The following ZNF471 variants were observed in gnomAD, a reference collection of about 807,000 sequenced individuals.
ZNF471 encodes the protein zinc finger protein 471.
ZNF471 carries 7 observed loss-of-function variants against 13.7 expected under a neutral mutation model. That is an observed-to-expected ratio of 0.51 (90% CI 0.29 to 0.96). The LOEUF (loss-of-function observed/expected upper bound fraction) is 0.96, where lower values mean the gene tolerates loss of function less well. Ranked by LOEUF, ZNF471 falls within the 40% of genes least tolerant of loss-of-function variation. The probability of loss-of-function intolerance (pLI) is 0.08; values close to 1 mark genes in which losing one functional copy is unlikely to be tolerated. For missense variants in ZNF471, 663 were observed against 743.3 expected (o/e 0.89, Z 1.26); for synonymous variants, 218 against 235.6 (o/e 0.93, Z 0.68).
intron 1 of ZNF471, among the ~76,000 whole-genome samples, chr19:56,509,090 G>A (rs1600502075): frequency 6.6e-6 from 1 of 152,140 alleles, no homozygotes; most frequent in Admixed American, 6.5e-5. Context: ...AATGATTGGT[G>A]GGCTGGCAGC....
Position 56,526,089 on chromosome 19 carries a change from G to C in ZNF471, c.*141G>C, listed in dbSNP as rs1007630706. The C allele has an allele frequency of 8.6e-6, 7 of 810,344 alleles. No homozygotes were observed. Among genetic ancestry groups the C allele is most frequent in the Admixed American group, 6.2e-5 (2 of 32,264 alleles). The allele number at this position is 810,344 out of a possible 1,614,324, so 50.2% of individuals were successfully genotyped here. A position where few individuals can be genotyped will look rare whatever the true frequency, so the allele number is the denominator to read the frequency against. On this transcript the variant is annotated 3_prime_UTR_variant, in exon 5 of 5. Transcript: ENST00000308031. ...AGGAGGCTGGCAAGATGGCCGAATA[G>C]GAACAGCTCTGATCTGCAGTTCCCA...
chr19:56,524,856 ATG>A lies in ZNF471; in HGVS notation c.791_792del (p.Cys264Ter). On this transcript the variant is annotated frameshift_variant, in exon 5 of 5. Coordinates refer to ENST00000308031, the MANE Select transcript of ZNF471 (RefSeq NM_020813.4). LOFTEE classifies it low-confidence loss of function (END_TRUNC). This position sits in a 1 kb window ranked among gnomAD's most constrained non-coding sequence, Gnocchi z 4.8. Reference protein sequence around the residue: ...RTHTGEKLFECKECRKAFKQS... With the variant: ...RTHTGEKLFEXKECRKAFKQS... Reference sequence around the variant, plus strand: ...CACATACTGGAGAGAAACTCTTTGAATGTAAAGAATGTAGGAAAGCCTTCAAA... The same window carrying A: ...CACATACTGGAGAGAAACTCTTTGAATAAAGAATGTAGGAAAGCCTTCAAA... 1.2e-6 allele frequency: 2 copies of A among 1,610,408 alleles called. No homozygotes were observed. Among genetic ancestry groups the A allele is most frequent in the Non-Finnish European group, 1.7e-6 (2 of 1,178,458 alleles).
At position 56,524,992 on chromosome 19, in the gene ZNF471, C is replaced by T; in HGVS notation, c.925C>T (p.Gln309Ter). Residue 309 changes from glutamine to a stop codon, truncating the protein, a stop_gained, in exon 5 of 5, where the codon CAG becomes TAG. Coordinates refer to ENST00000308031, the MANE Select transcript of ZNF471 (RefSeq NM_020813.4). LOFTEE classifies it low-confidence loss of function (END_TRUNC). The surrounding 1 kb of genome is among the most constrained non-coding windows in gnomAD (Gnocchi z 4.8). ...ACAGCCTGCACACCTTGCTCAGCATCAGAGAATTCATACTGGAGAGAAACC... is the reference window on the plus strand; with the variant it reads ...ACAGCCTGCACACCTTGCTCAGCATTAGAGAATTCATACTGGAGAGAAACC... ...FRQPAHLAQHQRIHTGEKPYE... is the reference protein window; with the variant it reads ...FRQPAHLAQH The T allele has an allele frequency of 6.2e-7, 1 of 1,614,122 alleles. No individual in the cohort carries two copies. The highest frequency in any genetic ancestry group is 8.5e-7 in the Non-Finnish European group (1 of 1,180,022).
chr19:56,519,337 C>T (rs1052244012), intron 4 of ZNF471, among the ~76,000 whole-genome samples: 1 of 152,136 alleles, frequency 6.6e-6, no homozygotes, highest in African/African-American at 2.4e-5. Flanking sequence ...TATGCACTTC[C>T]TGTTTCCTCT....
rs1166619687 is a variant in ZNF471, at chr19:56,528,958, A to G, written c.*3010A>G. On this transcript the variant is annotated 3_prime_UTR_variant, in exon 5 of 5. Coordinates refer to ENST00000308031, the MANE Select transcript of ZNF471 (RefSeq NM_020813.4). ...ACACTTAAAATGTTCCACTTCTTTC[A>G]TGAGGCTAAGTCAACTCTGATATCA... 1.3e-5 allele frequency: 2 copies of G among 151,842 alleles called. No individual in the cohort carries two copies. The highest frequency in any genetic ancestry group is 2.4e-5 in the African/African-American group (1 of 41,390). The allele number at this position is 151,842 out of a possible 1,614,324, so 9.4% of individuals were successfully genotyped here.
chr19:56,525,810 T>C lies in ZNF471; in HGVS notation c.1743T>C (p.Ser581=). Residue 581 remains serine, a synonymous_variant, in exon 5 of 5, where the codon AGT becomes AGC. Transcript: ENST00000308031. ...GTACTGAATGTGGAAAGGCTTTTAG[T>C]GATAGCTCATCCTGTGCTCAGCATC... ...YKCTECGKAF[S]DSSSCAQHQR... 6.2e-7 allele frequency: 1 copy of C among 1,614,188 alleles called. No homozygotes were observed. Among genetic ancestry groups the C allele is most frequent in the South Asian group, 1.1e-5 (1 of 91,082 alleles).
intron 4 of ZNF471, among the ~76,000 whole-genome samples, chr19:56,519,465 A>G (rs1414731194): frequency 6.6e-6 from 1 of 151,988 alleles, no homozygotes; most frequent in Non-Finnish European, 1.5e-5. Flanking sequence ...CCCCATCCCA[A>G]CCCAATAACT....
rs111959178 is a variant in ZNF471 at position 56,509,316 on chromosome 19, T to C, written c.-56+1396T>C. Among the ~76,000 whole-genome samples the C allele has an allele frequency of 2.4e-3, 372 of 152,352 alleles. 1 individual carries two copies. The highest frequency in any genetic ancestry group is 8.5e-3 in the African/African-American group (352 of 41,582). The stretch of plus-strand genomic sequence containing the variant: ...TGGGTTCATCAAACTTCCAGATAGC[T>C]GAACACTGGAGGTTCCTGTAGGATG... On this transcript the variant is annotated intron_variant, in intron 1 of 4. Transcript: ENST00000308031.
At chr19:56,521,934 G>A (rs11671776) in intron 4 of ZNF471, among the ~76,000 whole-genome samples, 35,623 of 151,974 alleles carry the variant, frequency 0.23, 4,390 homozygotes, top group Middle Eastern at 0.26. Context: ...TGACAGAGGG[G>A]ACCCTGTCTC....
At chr19:56,517,716 C>T (rs990878130) in intron 3 of ZNF471, among the ~76,000 whole-genome samples, 28 of 152,232 alleles carry the variant, frequency 1.8e-4, no homozygotes, top group Non-Finnish European at 4.4e-5. Context: ...GCTGGGATTA[C>T]AGGCGTAAGC....
rs2147913974 is a variant in ZNF471 at position 56,516,913 on chromosome 19, T to C, written c.160+512T>C. ...TTAGCTTTCTGTTCTCCAGAAGCCC[T>C]TTTGATTATGCTTGTGGTTCATTGA... On this transcript the variant is annotated intron_variant, in intron 3 of 4. Coordinates refer to ENST00000308031, the MANE Select transcript of ZNF471 (RefSeq NM_020813.4). The surrounding 1 kb of genome is among the most constrained non-coding windows in gnomAD (Gnocchi z 4.4). Among the ~76,000 whole-genome samples the C allele has an allele frequency of 6.6e-6, 1 of 152,348 alleles. No homozygotes were observed. Among genetic ancestry groups the C allele is most frequent in the East Asian group, 1.9e-4 (1 of 5,186 alleles).
Position 56,510,993 on chromosome 19 carries a change from GC to G in ZNF471, c.-55-522del. On this transcript the variant is annotated intron_variant, in intron 1 of 4. Transcript: ENST00000308031. The surrounding 1 kb of genome is among the most constrained non-coding windows in gnomAD (Gnocchi z 4.3). ...TTCAGGGTGAGGAAAGTGAAACAGT[GC>G]CGGGGGGTGGGTCAGGGATGCAGTG... The G allele has an allele frequency of 2.0e-6, 2 of 983,144 alleles. No homozygotes were observed. The highest frequency in any genetic ancestry group is 2.4e-6 in the Non-Finnish European group (2 of 830,040). 60.9% of individuals were successfully genotyped at this position (983,144 alleles called of 1,614,324 possible). A position where few individuals can be genotyped will look rare whatever the true frequency, so the allele number is the denominator to read the frequency against.
rs922222564 is a variant in ZNF471 at position 56,528,499 on chromosome 19, C to A, written c.*2551C>A. The A allele has an allele frequency of 6.6e-6, 1 of 152,274 alleles. No individual in the cohort carries two copies. Among genetic ancestry groups the A allele is most frequent in the Admixed American group, 6.5e-5 (1 of 15,290 alleles). 9.4% of individuals were successfully genotyped at this position (152,274 alleles called of 1,614,324 possible). On this transcript the variant is annotated 3_prime_UTR_variant, in exon 5 of 5. Transcript: ENST00000308031. ...CTCCTGTGCTCAAGTGACCCTCCCA[C>A]CTCATTCTCAAGTGGCTGCAATTAC... is the stretch of plus-strand genomic sequence containing the variant.
In ZNF471 at chr19:56,530,189, A is replaced by G. The variant is rs1289232591; in HGVS notation, c.*4241A>G. ...ACATGATGACATCGTTATTAACTAC[A>G]TAAACTTTATAAAGCTTAAAAAATG... On this transcript the variant is annotated 3_prime_UTR_variant, in exon 5 of 5. Coordinates refer to ENST00000308031, the MANE Select transcript of ZNF471 (RefSeq NM_020813.4). 1.3e-5 allele frequency: 2 copies of G among 152,158 alleles called. No homozygotes were observed. Among genetic ancestry groups the G allele is most frequent in the Non-Finnish European group, 2.9e-5 (2 of 68,042 alleles). 9.4% of individuals were successfully genotyped at this position (152,158 alleles called of 1,614,324 possible).
rs375538017 is a variant in ZNF471 at position 56,525,364 on chromosome 19, T to C, written c.1297T>C (p.Cys433Arg). The change falls in exon 5 of 5, where the codon TGT becomes CGT. Residue 433 changes from cysteine to arginine, a missense_variant. Transcript: ENST00000308031. ...TCATACAGGAGAGAAACCTTATGAA[T>C]GTGATATATGTGGGAAAGATTTTAG... Reference protein sequence around the residue: ...RIHTGEKPYECDICGKDFSHH... With the variant: ...RIHTGEKPYERDICGKDFSHH... The C allele has an allele frequency of 4.6e-5, 74 of 1,614,030 alleles. No homozygotes were observed. The highest frequency in any genetic ancestry group is 2.7e-4 in the East Asian group (12 of 44,886).
Position 56,510,237 on chromosome 19 carries a change from T to TG in ZNF471, c.-55-1278dup, listed in dbSNP as rs2043792471. The TG allele has an allele frequency of 1.0e-6, 1 of 985,522 alleles. No homozygotes were observed. Among genetic ancestry groups the TG allele is most frequent in the East Asian group, 1.1e-4 (1 of 8,814 alleles). The allele number at this position is 985,522 out of a possible 1,614,324, so 61.0% of individuals were successfully genotyped here. A position where few individuals can be genotyped will look rare whatever the true frequency, so the allele number is the denominator to read the frequency against. On this transcript the variant is annotated intron_variant, in intron 1 of 4. Coordinates refer to ENST00000308031, the MANE Select transcript of ZNF471 (RefSeq NM_020813.4). This position sits in a 1 kb window ranked among gnomAD's most constrained non-coding sequence, Gnocchi z 4.3. ...GTGTTTGTGTATCTGTGTGAGACAC[T>TG]GGAGCATTTGAGTAACTGAGGCCTC...
At position 56,524,767 on chromosome 19, in the gene ZNF471, T is replaced by C. The variant is rs916251692; in HGVS notation, c.700T>C (p.Tyr234His). Reference protein sequence around the residue: ...HFRIHTGEKPYACEECGKAFK... With the variant: ...HFRIHTGEKPHACEECGKAFK... ...TAGAATTCATACTGGTGAAAAACCA[T>C]ATGCATGTGAGGAATGTGGAAAAGC... is the stretch of plus-strand genomic sequence containing the variant. Residue 234 changes from tyrosine (Y) to histidine (H), a missense_variant, in exon 5 of 5, where the codon TAT becomes CAT. By Grantham distance (83) the Tyr-to-His change is moderately conservative. Transcript: ENST00000308031. The surrounding 1 kb of genome is among the most constrained non-coding windows in gnomAD (Gnocchi z 4.8). 2.5e-6 allele frequency: 4 copies of C among 1,612,590 alleles called. No homozygotes were observed. Among genetic ancestry groups the C allele is most frequent in the African/African-American group, 2.7e-5 (2 of 74,932 alleles).
chr19:56,508,257 GA>G lies in ZNF471; in HGVS notation c.-56+338del. On this transcript the variant is annotated intron_variant, in intron 1 of 4. Coordinates refer to ENST00000308031, the MANE Select transcript of ZNF471 (RefSeq NM_020813.4). The surrounding 1 kb of genome is among the most constrained non-coding windows in gnomAD (Gnocchi z 4.7). Reference sequence around the variant, plus strand: ...TGTGTGTGTGTGTGTGTGTGTGACAGACCGAGAGTCCAGTGTGAGACCAGGG... The same window carrying G: ...TGTGTGTGTGTGTGTGTGTGTGACAGCCGAGAGTCCAGTGTGAGACCAGGG... 1.3e-6 allele frequency: 1 copy of G among 798,828 alleles called. No individual in the cohort carries two copies. The highest frequency in any genetic ancestry group is 1.5e-6 in the Non-Finnish European group (1 of 686,042). 49.5% of individuals were successfully genotyped at this position (798,828 alleles called of 1,614,324 possible).
intron 3 of ZNF471, 127 bp from the exon 4 acceptor site, chr19:56,518,355 C>A: frequency 1.4e-6 from 1 of 699,954 alleles, no homozygotes. Flanking sequence ...GTAGTCTGTC[C>A]TTCAGATGTG....
Sources: allele counts gnomAD v4.1 joint callset (sites outside exome capture counted in the v4.1 genomes callset), GRCh38; gene constraint gnomAD v4.1.1; non-coding constraint Gnocchi (gnomAD v3.1); transcripts MANE v1.5; gene names NCBI Gene and HGNC (gene_info 2026-07-23, HGNC 2026-07-21).